The following ACSS3 variants were observed in gnomAD, a reference collection of about 807,000 sequenced individuals.
ACSS3 encodes acyl-CoA synthetase short-chain family member 3, mitochondrial.
In ACSS3, 64 loss-of-function variants were observed where a neutral mutation model predicts 84.2. The ratio of observed to expected loss-of-function variants is 0.76; its 90% CI spans 0.62 to 0.94. ACSS3 has a LOEUF of 0.94. Ranked by LOEUF, ACSS3 falls within the 40% of genes least tolerant of loss-of-function variation. The probability of loss-of-function intolerance (pLI) is 0.00; values close to 1 mark genes in which losing one functional copy is unlikely to be tolerated. For synonymous variants in ACSS3, 317 were observed against 310.1 expected (o/e 1.02, Z -0.23); for missense variants, 815 against 867.6 (o/e 0.94, Z 0.76).
Position 81,246,567 on chromosome 12 carries a change from C to T in ACSS3, c.1720-6740C>T, listed in dbSNP as rs112787948. Among the ~76,000 whole-genome samples, 1,521 of 152,244 alleles carry T rather than the reference C, an allele frequency of 1.0e-2. 12 individuals are homozygous for T. Among genetic ancestry groups the T allele is most frequent in the Middle Eastern group, 0.017 (5 of 294 alleles). ...TCATCACCAAGTTGTATTTCAAGTT[C>T]TTATGTTCTGACTGAGTCTACCAAT... On this transcript the variant is annotated intron_variant, in intron 13 of 15. Coordinates refer to ENST00000548058, the MANE Select transcript of ACSS3 (RefSeq NM_024560.4).
intron 8 of ACSS3, among the ~76,000 whole-genome samples, chr12:81,177,145 A>G (rs949937055): frequency 2.6e-5 from 4 of 152,212 alleles, no homozygotes; most frequent in Admixed American, 2.6e-4. Context: ...CAAACAAGGC[A>G]TCAAAAGAAC....
chr12:81,140,632 A>C lies in ACSS3; in HGVS notation c.780+1367A>C, dbSNP rs368346354. Among the ~76,000 whole-genome samples, 48 of 152,280 alleles carry C rather than the reference A, an allele frequency of 3.2e-4. No individual in the cohort carries two copies. The East Asian group carries it at 7.1e-3, about 23-fold the overall frequency. On this transcript the variant is annotated intron_variant, in intron 4 of 15. Transcript: ENST00000548058. Reference sequence around the variant, plus strand: ...TGCACTTAATGATTTTAATGTTCTTATGATCTTGAAGAAGAATTTTAAGTT... The same window carrying C: ...TGCACTTAATGATTTTAATGTTCTTCTGATCTTGAAGAAGAATTTTAAGTT...
intron 9 of ACSS3, among the ~76,000 whole-genome samples, chr12:81,203,282 T>C (rs1287289483): frequency 6.6e-6 from 1 of 152,186 alleles, no homozygotes; most frequent in African/African-American, 2.4e-5. Context: ...GCTTGGATGG[T>C]GCCCACTCGC....
intron 1 of ACSS3, among the ~76,000 whole-genome samples, chr12:81,082,459 A>G (rs1439098327): frequency 1.3e-5 from 2 of 152,182 alleles, no homozygotes; most frequent in African/African-American, 2.4e-5. Context: ...TGAGATCAAA[A>G]TGAGTAGGAG....
intron 13 of ACSS3, among the ~76,000 whole-genome samples, chr12:81,237,376 G>A (rs576550452): frequency 9.2e-5 from 14 of 151,664 alleles, no homozygotes; most frequent in African/African-American, 3.4e-4. Flanking sequence ...GGAGGCTAGG[G>A]CTTTTATAGG....
Position 81,088,329 on chromosome 12 carries a change from G to A in ACSS3, c.311+9898G>A, listed in dbSNP as rs4287382. ...TTACTGAGATTTTGCAATCGTTACC[G>A]TATGGCATAATCCAGCCTGTCCTTA... On this transcript the variant is annotated intron_variant, in intron 1 of 15. Coordinates refer to ENST00000548058, the MANE Select transcript of ACSS3 (RefSeq NM_024560.4). Among the ~76,000 whole-genome samples the A allele has an allele frequency of 4.4e-3, 670 of 152,092 alleles. 7 individuals carry two copies. The highest frequency in any genetic ancestry group is 0.015 in the African/African-American group (641 of 41,534).
chr12:81,254,762 A>G, intron 15 of ACSS3, 95 bp from the exon 16 acceptor site: 1 of 983,122 alleles, frequency 1.0e-6, no homozygotes, highest in South Asian at 1.8e-5. Flanking sequence ...TTACAAGACA[A>G]TGGGGAAAAC....
chr12:81,109,378 T>G lies in ACSS3; in HGVS notation c.312-182T>G, dbSNP rs191597903. Reference sequence around the variant, plus strand: ...CAAAATAAATACATGCTTATTAAAATAAAAAAGTATACTGTGTACCATCTT... The same window carrying G: ...CAAAATAAATACATGCTTATTAAAAGAAAAAAGTATACTGTGTACCATCTT... On this transcript the variant is annotated intron_variant, in intron 1 of 15. Transcript: ENST00000548058. Among the ~76,000 whole-genome samples the G allele has an allele frequency of 6.8e-3, 1,030 of 152,242 alleles. 48 individuals carry two copies. Among genetic ancestry groups the G allele is most frequent in the Admixed American group, 0.061 (925 of 15,272 alleles).
At chr12:81,133,711 A>G (rs767622835) in intron 2 of ACSS3, among the ~76,000 whole-genome samples, 11 of 151,946 alleles carry the variant, frequency 7.2e-5, no homozygotes, top group Non-Finnish European at 1.3e-4. Context: ...ATTTTTTACC[A>G]CAATAGATAA....
chr12:81,184,683 A>T (rs1241078884), intron 8 of ACSS3, among the ~76,000 whole-genome samples: 1 of 151,694 alleles, frequency 6.6e-6, no homozygotes, highest in East Asian at 1.9e-4. Context: ...AAAATGGATA[A>T]ATTCCTAGAA....
rs1384954695 is a variant in ACSS3 at position 81,259,323 on chromosome 12, GACTT to G, written c.*4404_*4407del. 3 of 470,914 alleles carry G rather than the reference GACTT, an allele frequency of 6.4e-6. No individual in the cohort carries two copies. The highest frequency in any genetic ancestry group is 7.9e-6 in the Non-Finnish European group (2 of 254,666). The allele number at this position is 470,914 out of a possible 1,614,324, so 29.2% of individuals were successfully genotyped here. ...ATCATATTTATATCCATTTACATAA[GACTT>G]ACACATTTAAAAAGAAATGCACGGT... is the stretch of plus-strand genomic sequence containing the variant. On this transcript the variant is annotated 3_prime_UTR_variant, in exon 16 of 16. Transcript: ENST00000548058.
chr12:81,153,031 C>T (rs1593133709), intron 7 of ACSS3, among the ~76,000 whole-genome samples: 1 of 149,402 alleles, frequency 6.7e-6, no homozygotes, highest in Middle Eastern at 3.4e-3. Context: ...AATTTGTATT[C>T]AGTTTAATTG....
At chr12:81,203,303 G>A (rs890960414) in intron 9 of ACSS3, among the ~76,000 whole-genome samples, 23 of 152,130 alleles carry the variant, frequency 1.5e-4, no homozygotes, top group African/African-American at 5.3e-4. Flanking sequence ...ACTGAGGAAA[G>A]ATCTTCTCAT....
In ACSS3 at chr12:81,255,124, T is replaced by C. The variant is rs561634325; in HGVS notation, c.*202T>C. Reference sequence around the variant, plus strand: ...TTTGGTTTGACCCTGTTAGCATTGTTATTAGTTATCTATAACATGGCTTAT... The same window carrying C: ...TTTGGTTTGACCCTGTTAGCATTGTCATTAGTTATCTATAACATGGCTTAT... On this transcript the variant is annotated 3_prime_UTR_variant, in exon 16 of 16. Coordinates refer to ENST00000548058, the MANE Select transcript of ACSS3 (RefSeq NM_024560.4). The C allele has an allele frequency of 2.1e-6, 1 of 470,312 alleles. No individual in the cohort carries two copies. The highest frequency in any genetic ancestry group is 2.0e-5 in the African/African-American group (1 of 49,800). The allele number at this position is 470,312 out of a possible 1,614,324, so 29.1% of individuals were successfully genotyped here.
At chr12:81,085,692 A>G (rs962289288) in intron 1 of ACSS3, among the ~76,000 whole-genome samples, 2 of 152,234 alleles carry the variant, frequency 1.3e-5, no homozygotes, top group Non-Finnish European at 2.9e-5. Context: ...GAGACCAAAG[A>G]GATATGAATT....
intron 5 of ACSS3, among the ~76,000 whole-genome samples, chr12:81,151,457 T>C (rs1409761037): frequency 6.6e-6 from 1 of 152,198 alleles, no homozygotes; most frequent in East Asian, 1.9e-4. Flanking sequence ...TAGTCTGCAT[T>C]TGAGGTGTAT....
chr12:81,165,947 A>T (rs1283329940), intron 7 of ACSS3, among the ~76,000 whole-genome samples: 2 of 152,146 alleles, frequency 1.3e-5, no homozygotes. Context: ...CTTTTTATAC[A>T]TTGTTTTAAT....
chr12:81,086,033 A>G (rs1881288407), intron 1 of ACSS3, among the ~76,000 whole-genome samples: 1 of 152,210 alleles, frequency 6.6e-6, no homozygotes, highest in African/African-American at 2.4e-5. Flanking sequence ...TGTATCCAGA[A>G]AGCAATTTAA....
At chr12:81,089,996 C>T (rs1881570494) in intron 1 of ACSS3, among the ~76,000 whole-genome samples, 1 of 151,976 alleles carries the variant, frequency 6.6e-6, no homozygotes, top group Admixed American at 6.6e-5. Context: ...ATTATGCTCT[C>T]TACCTTCTGT....
Sources: gnomAD v4.1 joint callset for allele counts (sites outside exome capture counted in the v4.1 genomes callset) on GRCh38, gnomAD v4.1.1 for gene constraint, MANE v1.5 for transcripts, NCBI Gene and HGNC (gene_info 2026-07-23, HGNC 2026-07-21) for gene names.